The following NUBP1 variants were observed in gnomAD, a reference collection of about 807,000 sequenced individuals.
The protein encoded by NUBP1 is cytosolic Fe-S cluster assembly factor NUBP1.
NUBP1 carries 46 observed loss-of-function variants against 41.8 expected under a neutral mutation model. The observed-to-expected ratio is 1.10, with a 90% CI of 0.87 to 1.41. NUBP1 has a LOEUF of 1.41. Ranked by LOEUF, NUBP1 falls within the 40% of genes most tolerant of loss-of-function variation. NUBP1 has a pLI of 0.00. For synonymous variants in NUBP1, 189 were observed against 154.6 expected (o/e 1.22, Z -1.65); for missense variants, 494 against 414.0 (o/e 1.19, Z -1.68).
chr16:10,755,504 C>G (rs1295561257), intron 4 of NUBP1, among the ~76,000 whole-genome samples: 1 of 152,144 alleles, frequency 6.6e-6, no homozygotes, highest in Non-Finnish European at 1.5e-5. Flanking sequence ...GTAGAGTTTC[C>G]AAATAACCCA....
chr16:10,751,269 G>T (rs1567255407), intron 3 of NUBP1, among the ~76,000 whole-genome samples: 1 of 152,200 alleles, frequency 6.6e-6, no homozygotes, highest in Non-Finnish European at 1.5e-5. Context: ...ATCGAGGAAA[G>T]TCTCTATCAC....
intron 9 of NUBP1, chr16:10,763,842 A>G (rs539676667): frequency 1.2e-4 from 19 of 158,370 alleles, no homozygotes; most frequent in Non-Finnish European, 2.5e-4. Context: ...CCGAAAGAGC[A>G]TCACGGCCCA....
rs1291905950 is a variant in NUBP1, at chr16:10,767,383, C to A, written c.821-566C>A. 3 of 400,594 alleles carry A rather than the reference C, an allele frequency of 7.5e-6. No homozygotes were observed. The highest frequency in any genetic ancestry group is 1.3e-5 in the Non-Finnish European group (3 of 227,612). 24.8% of individuals were successfully genotyped at this position (400,594 alleles called of 1,614,324 possible). ...GACTGATAGACACCAGCACAGATGA[C>A]CTGGAAGATAAAATTATACACAGAC... On this transcript the variant is annotated intron_variant, in intron 9 of 10. Transcript: ENST00000283027. The surrounding 1 kb of genome is among the most constrained non-coding windows in gnomAD (Gnocchi z 4.6).
At chr16:10,758,656 G>T (rs139748505) in intron 7 of NUBP1, among the ~76,000 whole-genome samples, 1 of 152,244 alleles carries the variant, frequency 6.6e-6, no homozygotes, top group African/African-American at 2.4e-5. Flanking sequence ...GTGCTGCCTG[G>T]CCCCGTCAGC....
Position 10,767,922 on chromosome 16 carries a change from T to C in NUBP1, c.821-27T>C, listed in dbSNP as rs376176113. Reference sequence around the variant, plus strand: ...CATTCTGTTTTCCTCTTGGACTGAATTGTCTTCCGTTTGTTTCTTTTTTAA... The same window carrying C: ...CATTCTGTTTTCCTCTTGGACTGAACTGTCTTCCGTTTGTTTCTTTTTTAA... On this transcript the variant is annotated intron_variant, in intron 9 of 10. Coordinates refer to ENST00000283027, the MANE Select transcript of NUBP1 (RefSeq NM_002484.4). The surrounding 1 kb of genome is among the most constrained non-coding windows in gnomAD (Gnocchi z 4.6). 1.6e-5 allele frequency: 25 copies of C among 1,608,908 alleles called. No individual in the cohort carries two copies. The African/African-American group carries it at 1.6e-4, about 10-fold the overall frequency.
In NUBP1 at chr16:10,760,528, T is replaced by C. The variant is rs550428984; in HGVS notation, c.607-836T>C. On this transcript the variant is annotated intron_variant, in intron 7 of 10. Transcript: ENST00000283027. ...TGGGAGGCCGAGGCAGGAGGATCAC[T>C]TCACACCAGAAGCTTAAGACCAGTC... is the stretch of plus-strand genomic sequence containing the variant. Among the ~76,000 whole-genome samples, 12 of 152,298 alleles carry C rather than the reference T, an allele frequency of 7.9e-5. No individual in the cohort carries two copies. The South Asian group carries it at 2.5e-3, about 32-fold the overall frequency.
At chr16:10,762,998 C>T (rs1015809473) in intron 9 of NUBP1, among the ~76,000 whole-genome samples, 1 of 152,024 alleles carries the variant, frequency 6.6e-6, no homozygotes, top group Non-Finnish European at 1.5e-5. Flanking sequence ...GGATGAGGCC[C>T]TGGGTTCTGG....
At chr16:10,752,785 TTTG>T (rs1253071023) in intron 4 of NUBP1, 107 bp downstream of exon 4, 11 of 955,060 alleles carry the variant, frequency 1.2e-5, no homozygotes, top group Non-Finnish European at 1.6e-5. Flanking sequence ...TAAATGTTTT[TTTG>T]TTGTTGTTTT....
At chr16:10,753,123 C>CAG (rs3838365) in intron 4 of NUBP1, among the ~76,000 whole-genome samples, 59,135 of 151,858 alleles carry the variant, frequency 0.39, 14,753 homozygotes, top group African/African-American at 0.71. Flanking sequence ...ATGAGGAGCT[C>CAG]ATACATGCTC....
In NUBP1 at chr16:10,768,998, A is replaced by G. The variant is rs978697762; in HGVS notation, c.905-49A>G. 6.5e-7 allele frequency: 1 copy of G among 1,547,326 alleles called. No individual in the cohort carries two copies. The highest frequency in any genetic ancestry group is 1.7e-5 in the Admixed American group (1 of 59,886). On this transcript the variant is annotated intron_variant, in intron 10 of 10. Coordinates refer to ENST00000283027, the MANE Select transcript of NUBP1 (RefSeq NM_002484.4). This position sits in a 1 kb window ranked among gnomAD's most constrained non-coding sequence, Gnocchi z 4.3. ...TCCCCAGCACAGGACAGGGCTGTCA[A>G]GGGGTAGACAAGCCATTAGCACTCT...
At chr16:10,753,455 G>T (rs1456138268) in intron 4 of NUBP1, among the ~76,000 whole-genome samples, 1 of 152,110 alleles carries the variant, frequency 6.6e-6, no homozygotes, top group Non-Finnish European at 1.5e-5. Flanking sequence ...CTATGTAGTT[G>T]CTGGCCTCTT....
intron 9 of NUBP1, among the ~76,000 whole-genome samples, chr16:10,762,448 C>T (rs1237620522): frequency 1.3e-5 from 2 of 152,244 alleles, no homozygotes; most frequent in South Asian, 2.1e-4. Flanking sequence ...GGTTTCACGT[C>T]TCCACCCACA....
intron 9 of NUBP1, among the ~76,000 whole-genome samples, chr16:10,764,615 A>G (rs1323686178): frequency 6.9e-6 from 1 of 144,878 alleles, no homozygotes. Context: ...CTGCTGGAGT[A>G]TGTCAGTCTA....
Position 10,752,605 on chromosome 16 carries a change from C to A in NUBP1, c.259-5C>A. On this transcript the variant is annotated splice_polypyrimidine_tract_variant and splice_region_variant and intron_variant, in intron 3 of 10. Transcript: ENST00000283027. The stretch of plus-strand genomic sequence containing the variant: ...ATAACCGCTTTGGTCTCTTCTTGTC[C>A]CCAGATTGCTCTTCTAGACATCGAT... 2 of 1,612,924 alleles carry A rather than the reference C, an allele frequency of 1.2e-6. No individual in the cohort carries two copies. Among genetic ancestry groups the A allele is most frequent in the South Asian group, 1.1e-5 (1 of 91,060 alleles).
At chr16:10,748,019 C>T (rs1208381197) in intron 3 of NUBP1, among the ~76,000 whole-genome samples, 2 of 152,298 alleles carry the variant, frequency 1.3e-5, no homozygotes, top group Admixed American at 1.3e-4. Context: ...ATGATCAGGA[C>T]TCATTGCAAC....
At chr16:10,754,986 A>G (rs9935332) in intron 4 of NUBP1, among the ~76,000 whole-genome samples, 28,281 of 152,076 alleles carry the variant, frequency 0.19, 4,151 homozygotes, top group African/African-American at 0.4. Context: ...TGGAGGTTGC[A>G]GTGAGTCAGG....
chr16:10,761,747 T>G lies in NUBP1; in HGVS notation c.718-10T>G. On this transcript the variant is annotated splice_polypyrimidine_tract_variant and intron_variant, in intron 8 of 10. Coordinates refer to ENST00000283027, the MANE Select transcript of NUBP1 (RefSeq NM_002484.4). ...AATTATGTTTCCTCCCCTTTGAATT[T>G]GCCTTGCAGAAAGAATCTCAGATAT... The G allele has an allele frequency of 6.2e-7, 1 of 1,608,026 alleles. No individual in the cohort carries two copies. The highest frequency in any genetic ancestry group is 8.5e-7 in the Non-Finnish European group (1 of 1,174,908).
intron 2 of NUBP1, among the ~76,000 whole-genome samples, chr16:10,744,410 G>A (rs1899967445): frequency 6.6e-6 from 1 of 152,234 alleles, no homozygotes; most frequent in South Asian, 2.1e-4. Context: ...AGAAAAACGG[G>A]ATAAGCTTCG....
chr16:10,767,642 G>A lies in NUBP1; in HGVS notation c.821-307G>A. ...GCATTCATGATCCTTTCACTCAAAA[G>A]CTAATCTCTTAAAATGCAGACTCCT... is the stretch of plus-strand genomic sequence containing the variant. On this transcript the variant is annotated intron_variant, in intron 9 of 10. Coordinates refer to ENST00000283027, the MANE Select transcript of NUBP1 (RefSeq NM_002484.4). The surrounding 1 kb of genome is among the most constrained non-coding windows in gnomAD (Gnocchi z 4.6). 1 of 428,392 alleles carries A rather than the reference G, an allele frequency of 2.3e-6. No homozygotes were observed. Among genetic ancestry groups the A allele is most frequent in the Non-Finnish European group, 4.1e-6 (1 of 242,654 alleles). 26.5% of individuals were successfully genotyped at this position (428,392 alleles called of 1,614,324 possible).
Sources: gnomAD v4.1 joint callset for allele counts (sites outside exome capture counted in the v4.1 genomes callset) on GRCh38, gnomAD v4.1.1 for gene constraint, Gnocchi (gnomAD v3.1) non-coding constraint, MANE v1.5 for transcripts, NCBI Gene and HGNC (gene_info 2026-07-23, HGNC 2026-07-21) for gene names.